The following XRCC5 variants were observed in gnomAD, a reference collection of about 807,000 sequenced individuals.
The protein encoded by XRCC5 is DNA repair protein Ku80.
Under a neutral mutation model 95.7 loss-of-function variants are expected in XRCC5, and 12 were observed. The ratio of observed to expected loss-of-function variants is 0.13; its 90% CI spans 0.08 to 0.20. The LOEUF (loss-of-function observed/expected upper bound fraction) is 0.20, where lower values mean the gene tolerates loss of function less well. Among genes scored for constraint, XRCC5 ranks in the 10% least tolerant of loss-of-function variants. The pLI, the probability that XRCC5 is intolerant of heterozygous loss-of-function variation, is 1.00. For missense variants in XRCC5, 595 were observed against 873.9 expected (o/e 0.68, Z 4.02); for synonymous variants, 281 against 290.3 (o/e 0.97, Z 0.33).
chr2:216,141,958 G>T (rs1453623375), intron 13 of XRCC5, among the ~76,000 whole-genome samples: 1 of 152,104 alleles, frequency 6.6e-6, no homozygotes, highest in Non-Finnish European at 1.5e-5. Flanking sequence ...GGAGGCTGAA[G>T]TGGGAGAATT....
chr2:216,189,793 C>T (rs1689580178), intron 16 of XRCC5, among the ~76,000 whole-genome samples: 1 of 152,110 alleles, frequency 6.6e-6, no homozygotes, highest in Non-Finnish European at 1.5e-5. Context: ...CACTGTTCGA[C>T]AATTATCCTG....
At chr2:216,139,269 T>C (rs1415804174) in intron 12 of XRCC5, among the ~76,000 whole-genome samples, 3 of 151,928 alleles carry the variant, frequency 2.0e-5, no homozygotes, top group Admixed American at 6.6e-5. Flanking sequence ...ATACTGCTGA[T>C]AAAGACATAC....
intron 18 of XRCC5, among the ~76,000 whole-genome samples, chr2:216,194,312 G>C (rs958050820): frequency 6.6e-6 from 1 of 152,158 alleles, no homozygotes; most frequent in African/African-American, 2.4e-5. Flanking sequence ...ACAACCTATT[G>C]ATGATAGTTA....
chr2:216,138,024 G>T, intron 11 of XRCC5, 65 bp from the exon 12 acceptor site: 1 of 1,355,682 alleles, frequency 7.4e-7, no homozygotes, highest in Non-Finnish European at 1.0e-6. Context: ...CAGAATTTGG[G>T]ATCAGTTTTA....
intron 17 of XRCC5, among the ~76,000 whole-genome samples, chr2:216,192,140 A>G (rs1233303615): frequency 6.6e-6 from 1 of 152,084 alleles, no homozygotes; most frequent in East Asian, 1.9e-4. Context: ...CTGGGAATAC[A>G]TGCGCCTGCC....
chr2:216,156,350 C>T (rs1382338467), intron 14 of XRCC5: 4 of 695,850 alleles, frequency 5.7e-6, no homozygotes, highest in Admixed American at 3.6e-5. Flanking sequence ...GAAACAGTCT[C>T]TTCTGCTGTT....
chr2:216,187,855 T>TCCCC (rs1689533744), intron 16 of XRCC5, among the ~76,000 whole-genome samples: 1 of 128,584 alleles, frequency 7.8e-6, no homozygotes. Flanking sequence ...TCTCTCTCTC[T>TCCCC]CTCTCTCCCC....
At chr2:216,119,656 T>A (rs1393796759) in intron 5 of XRCC5, among the ~76,000 whole-genome samples, 1 of 152,216 alleles carries the variant, frequency 6.6e-6, no homozygotes, top group Non-Finnish European at 1.5e-5. Context: ...TCTTTTCAGA[T>A]CCAAAAGTTG....
At position 216,199,810 on chromosome 2, in the gene XRCC5, CTTTTT is replaced by C. The variant is rs375975027; in HGVS notation, c.2110-4492_2110-4488del. ...GGATTTATCCCCATGGCATTGGGAT[CTTTTT>C]TTTTTTTTTTTTTTTTTTTACCAGA... On this transcript the variant is annotated intron_variant, in intron 19 of 20. Coordinates refer to ENST00000392132, the MANE Select transcript of XRCC5 (RefSeq NM_021141.4). 1.2e-3 allele frequency among the ~76,000 whole-genome samples: 148 copies of C among 120,240 alleles called. 1 individual carries two copies. The highest frequency in any genetic ancestry group is 2.0e-3 in the Non-Finnish European group (115 of 58,496). The allele number at this position is 120,240 out of a possible 152,430, so 78.9% of individuals were successfully genotyped here.
At chr2:216,186,367 T>C (rs773750718) in intron 16 of XRCC5, among the ~76,000 whole-genome samples, 19 of 152,180 alleles carry the variant, frequency 1.2e-4, no homozygotes, top group Non-Finnish European at 2.2e-4. Flanking sequence ...AGAAGCAGAA[T>C]GTGTATTTCA....
At chr2:216,124,427 A>ATT (rs1402748193) in intron 6 of XRCC5, among the ~76,000 whole-genome samples, 1 of 152,264 alleles carries the variant, frequency 6.6e-6, no homozygotes, top group East Asian at 1.9e-4. Context: ...GATCTTATAT[A>ATT]TTGGATGCCC....
At chr2:216,179,269 T>C (rs1187635598) in intron 16 of XRCC5, among the ~76,000 whole-genome samples, 1 of 152,196 alleles carries the variant, frequency 6.6e-6, no homozygotes, top group Non-Finnish European at 1.5e-5. Context: ...GGAGTTCTTG[T>C]ATGTCTGTAT....
At chr2:216,168,439 A>G (rs1689093475) in intron 16 of XRCC5, among the ~76,000 whole-genome samples, 2 of 152,222 alleles carry the variant, frequency 1.3e-5, no homozygotes, top group Non-Finnish European at 2.9e-5. Flanking sequence ...TAAAAAGCAC[A>G]TGACGTAGAA....
chr2:216,158,770 TA>T (rs758965204), intron 14 of XRCC5, among the ~76,000 whole-genome samples: 2 of 152,346 alleles, frequency 1.3e-5, no homozygotes, highest in South Asian at 4.1e-4. Context: ...TTCATGGATG[TA>T]TGGCTGTGAT....
At chr2:216,173,592 A>C (rs1689212144) in intron 16 of XRCC5, among the ~76,000 whole-genome samples, 1 of 152,230 alleles carries the variant, frequency 6.6e-6, no homozygotes, top group Admixed American at 6.5e-5. Context: ...TACTGAATTC[A>C]TTTAGCTAAT....
chr2:216,162,854 A>G (rs1211995438), intron 16 of XRCC5, among the ~76,000 whole-genome samples: 2 of 152,156 alleles, frequency 1.3e-5, no homozygotes, highest in Non-Finnish European at 2.9e-5. Context: ...CTAGAATCTC[A>G]TTTAGGCTGT....
At chr2:216,174,242 C>T (rs995497412) in intron 16 of XRCC5, among the ~76,000 whole-genome samples, 3 of 152,092 alleles carry the variant, frequency 2.0e-5, no homozygotes, top group African/African-American at 4.8e-5. Context: ...AATTTAAATA[C>T]CAAATCCTAT....
At chr2:216,168,833 C>T (rs1342227302) in intron 16 of XRCC5, among the ~76,000 whole-genome samples, 1 of 152,272 alleles carries the variant, frequency 6.6e-6, no homozygotes, top group African/African-American at 2.4e-5. Flanking sequence ...ATTATTATCC[C>T]CATTCTACTG....
At chr2:216,159,001 A>G (rs7599630) in intron 14 of XRCC5, among the ~76,000 whole-genome samples, 2,898 of 152,316 alleles carry the variant, frequency 0.019, 99 homozygotes, top group African/African-American at 0.066. Context: ...AATTGCTGAG[A>G]AATTTTAACT....
Sources: gnomAD v4.1 joint callset for allele counts (sites outside exome capture counted in the v4.1 genomes callset) on GRCh38, gnomAD v4.1.1 for gene constraint, MANE v1.5 for transcripts, NCBI Gene and HGNC (gene_info 2026-07-23, HGNC 2026-07-21) for gene names.